RANBP2: variants seen among roughly 807,000 people sequenced by gnomAD.
RANBP2 encodes E3 SUMO-protein ligase RanBP2.
A neutral mutation model predicts 303.6 loss-of-function variants in RANBP2; 57 were observed. That is an observed-to-expected ratio of 0.19 (90% CI 0.15 to 0.23). The LOEUF is 0.23. Among genes scored for constraint, RANBP2 ranks in the 10% least tolerant of loss-of-function variants. The probability of loss-of-function intolerance (pLI) is 1.00; values close to 1 mark genes in which losing one functional copy is unlikely to be tolerated. For missense variants in RANBP2, 3,138 were observed against 3,780.8 expected (o/e 0.83, Z 4.46); for synonymous variants, 1,167 against 1,301.5 (o/e 0.90, Z 2.23).
the RANBP2 span, among the ~76,000 whole-genome samples, chr2:109,359,662 A>C: frequency 6.6e-6 from 1 of 152,328 alleles, no homozygotes; most frequent in Non-Finnish European, 1.5e-5. Flanking sequence ...TCCAAAATCC[A>C]AAATTTTTTG....
the RANBP2 span, among the ~76,000 whole-genome samples, chr2:109,469,365 C>T: frequency 9.8e-5 from 15 of 152,298 alleles, no homozygotes; most frequent in Middle Eastern, 3.4e-3. Flanking sequence ...TACTAGCCCC[C>T]GTGCTTTGCT....
chr2:109,157,716 A>G, the RANBP2 span, among the ~76,000 whole-genome samples: 1 of 152,220 alleles, frequency 6.6e-6, no homozygotes, highest in African/African-American at 2.4e-5. Context: ...TGAATTTAAT[A>G]GGATCATCCT....
the RANBP2 span, chr2:109,490,818 A>G: frequency 2.0e-6 from 3 of 1,536,866 alleles, no homozygotes; most frequent in Middle Eastern, 1.7e-4. Context: ...TGCCATGGGG[A>G]TGGAGCCTCT....
chr2:108,836,238 A>G, the RANBP2 span, among the ~76,000 whole-genome samples: 2 of 152,198 alleles, frequency 1.3e-5, no homozygotes, highest in African/African-American at 4.8e-5. Flanking sequence ...GATTTCTCAT[A>G]TGGATGGAAT....
the RANBP2 span, among the ~76,000 whole-genome samples, chr2:109,046,527 C>A: frequency 6.6e-6 from 1 of 151,474 alleles, no homozygotes; most frequent in East Asian, 2.0e-4. Context: ...CTGCCTCAGC[C>A]TCCCAGGTAG....
At chr2:109,188,417 A>G in the RANBP2 span, among the ~76,000 whole-genome samples, 12 of 152,148 alleles carry the variant, frequency 7.9e-5, no homozygotes, top group Non-Finnish European at 1.6e-4. Flanking sequence ...CTGGGACCCC[A>G]TGGGCCCAGC....
the RANBP2 span, among the ~76,000 whole-genome samples, chr2:109,625,404 C>T: frequency 6.6e-6 from 1 of 151,574 alleles, no homozygotes; most frequent in African/African-American, 2.4e-5. Flanking sequence ...CCTGTAATCC[C>T]AGCACTTTGG....
At chr2:109,466,815 ATATG>A in the RANBP2 span, among the ~76,000 whole-genome samples, 1 of 151,738 alleles carries the variant, frequency 6.6e-6, no homozygotes, top group Non-Finnish European at 1.5e-5. Flanking sequence ...GTGTATGTCT[ATATG>A]TGTGTATGTG....
the RANBP2 span, among the ~76,000 whole-genome samples, chr2:109,078,264 GCGCGTATA>G: frequency 5.9e-5 from 1 of 16,866 alleles, no homozygotes; most frequent in South Asian, 1.6e-3. Flanking sequence ...TATATATATA[GCGCGTATA>G]TATATATATA....
chr2:109,190,942 A>G, the RANBP2 span, among the ~76,000 whole-genome samples: 1 of 151,580 alleles, frequency 6.6e-6, no homozygotes, highest in Non-Finnish European at 1.5e-5. Context: ...CAATATTTTT[A>G]TGGGGGAGAT....
At chr2:109,681,660 A>C in the RANBP2 span, among the ~76,000 whole-genome samples, 1 of 152,238 alleles carries the variant, frequency 6.6e-6, no homozygotes, top group Non-Finnish European at 1.5e-5. Flanking sequence ...AGGGGGAGGC[A>C]GGGCCCTGGG....
the RANBP2 span, among the ~76,000 whole-genome samples, chr2:109,410,217 A>G: frequency 0.52 from 78,536 of 152,098 alleles, 20,575 homozygotes; most frequent in Middle Eastern, 0.57. Flanking sequence ...GCTTCCAACC[A>G]GGGGAGGCTG....
At chr2:109,088,270 G>A in the RANBP2 span, among the ~76,000 whole-genome samples, 5 of 151,634 alleles carry the variant, frequency 3.3e-5, no homozygotes, top group African/African-American at 9.7e-5. Flanking sequence ...GGTGGCGCGC[G>A]CCTGTAGTTC....
the RANBP2 span, among the ~76,000 whole-genome samples, chr2:108,891,738 G>A: frequency 6.6e-6 from 1 of 152,164 alleles, no homozygotes; most frequent in South Asian, 2.1e-4. Context: ...CATAGCATGA[G>A]CAATGGCAGT....
the RANBP2 span, among the ~76,000 whole-genome samples, chr2:109,454,553 C>T: frequency 6.6e-6 from 1 of 152,204 alleles, no homozygotes; most frequent in Non-Finnish European, 1.5e-5. Context: ...CTGTGGAGCC[C>T]TCTCCTTGGT....
the RANBP2 span, among the ~76,000 whole-genome samples, chr2:109,605,965 T>C: frequency 6.6e-6 from 1 of 152,164 alleles, no homozygotes; most frequent in Non-Finnish European, 1.5e-5. Flanking sequence ...TGCTGCATCA[T>C]TAAGAACTGC....
the RANBP2 span, among the ~76,000 whole-genome samples, chr2:109,774,524 A>ATATAT: frequency 1.1e-5 from 1 of 90,634 alleles, no homozygotes; most frequent in Non-Finnish European, 1.9e-5. Context: ...AATATATATT[A>ATATAT]TATATATTAT....
chr2:109,043,610 C>A, the RANBP2 span, among the ~76,000 whole-genome samples: 2 of 152,218 alleles, frequency 1.3e-5, no homozygotes, highest in Non-Finnish European at 2.9e-5. Flanking sequence ...GCTGGAATTA[C>A]AGGCGTGAGC....
the RANBP2 span, among the ~76,000 whole-genome samples, chr2:109,725,199 C>T: frequency 6.6e-6 from 1 of 152,182 alleles, no homozygotes; most frequent in Non-Finnish European, 1.5e-5. Context: ...GGTGACTTCG[C>T]CCTCCCCTCC....
Sources: allele counts gnomAD v4.1 joint callset (sites outside exome capture counted in the v4.1 genomes callset), GRCh38; gene constraint gnomAD v4.1.1; transcripts MANE v1.5; gene names NCBI Gene and HGNC (gene_info 2026-07-23, HGNC 2026-07-21).